The following LYST variants were observed in gnomAD, a reference collection of about 807,000 sequenced individuals.
LYST encodes lysosomal trafficking regulator.
Under a neutral mutation model 413.6 loss-of-function variants are expected in LYST, and 192 were observed. That is an observed-to-expected ratio of 0.46 (90% CI 0.41 to 0.52). The LOEUF (loss-of-function observed/expected upper bound fraction) is 0.52. Among genes scored for constraint, LYST ranks in the 20% least tolerant of loss-of-function variants. The pLI is 0.00. For missense variants in LYST, 3,815 were observed against 4,499.9 expected (o/e 0.85, Z 4.35); for synonymous variants, 1,525 against 1,567.3 (o/e 0.97, Z 0.64).
chr1:235,850,074 A>T (rs1678350498), intron 1 of LYST, among the ~76,000 whole-genome samples: 1 of 152,118 alleles, frequency 6.6e-6, no homozygotes, highest in Non-Finnish European at 1.5e-5. Context: ...CCAAAGCAAG[A>T]CTAAGTGAAA....
At chr1:235,768,591 G>A (rs1480645135) in intron 20 of LYST, among the ~76,000 whole-genome samples, 1 of 151,852 alleles carries the variant, frequency 6.6e-6, no homozygotes. Flanking sequence ...CAAGGGTAAA[G>A]AACTATACAT....
intron 8 of LYST, among the ~76,000 whole-genome samples, 167 bp from the exon 9 acceptor site, chr1:235,801,264 T>C (rs1437831482): frequency 1.3e-5 from 2 of 152,158 alleles, no homozygotes; most frequent in African/African-American, 2.4e-5. Flanking sequence ...GATATGGAAA[T>C]TTTGAAGATT....
At chr1:235,726,258 T>C (rs1663859388) in intron 38 of LYST, among the ~76,000 whole-genome samples, 1 of 152,188 alleles carries the variant, frequency 6.6e-6, no homozygotes, top group Non-Finnish European at 1.5e-5. Context: ...CCTTAATTTT[T>C]TTTTTTAGAT....
At chr1:235,669,826 G>GC (rs1206815831) in intron 50 of LYST, among the ~76,000 whole-genome samples, 1 of 152,060 alleles carries the variant, frequency 6.6e-6, no homozygotes, top group Non-Finnish European at 1.5e-5. Context: ...GCTTTGCTGG[G>GC]CATTTTGTCC....
In LYST at chr1:235,805,829, T is replaced by C. The variant is rs1558273572; in HGVS notation, c.3307A>G (p.Ile1103Val). The C allele has an allele frequency of 1.9e-6, 3 of 1,613,618 alleles. No homozygotes were observed. Among genetic ancestry groups the C allele is most frequent in the African/African-American group, 1.3e-5 (1 of 74,870 alleles). The stretch of plus-strand genomic sequence containing the variant: ...GCCAGAAGGGCTTCCAAAAGTCGTA[T>C]ACTTTGAAGTGAGGTCTCACTTTCT... ...SQESETSLQS[I>V]RLLEALLAIC... The change falls in exon 6 of 53, where the codon ATA becomes GTA. Residue 1103 changes from isoleucine to valine, a missense_variant. By Grantham distance (29) the Ile-to-Val change is conservative (BLOSUM62 3). Coordinates refer to ENST00000389793, the MANE Select transcript of LYST (RefSeq NM_000081.4).
Position 235,664,384 on chromosome 1 carries a change from C to G in LYST, c.11195+81G>C, listed in dbSNP as rs990859351. ...TCTCTAAATACTGAATATTAATATG[C>G]CTAGATATTAAAAATTAATTTCTGA... On this transcript the variant is annotated intron_variant, in intron 51 of 52. Transcript: ENST00000389793. The surrounding 1 kb of genome is among the most constrained non-coding windows in gnomAD (Gnocchi z 4.5). 26 of 1,269,330 alleles carry G rather than the reference C, an allele frequency of 2.0e-5. No individual in the cohort carries two copies. The highest frequency in any genetic ancestry group is 2.5e-5 in the Non-Finnish European group (22 of 876,064). The allele number at this position is 1,269,330 out of a possible 1,614,324, so 78.6% of individuals were successfully genotyped here. A position where few individuals can be genotyped will look rare whatever the true frequency, so the allele number is the denominator to read the frequency against.
chr1:235,814,717 TAA>T (rs913104661), intron 3 of LYST, among the ~76,000 whole-genome samples: 42 of 151,982 alleles, frequency 2.8e-4, no homozygotes, highest in African/African-American at 9.7e-4. Flanking sequence ...AGTGAGAAAG[TAA>T]AGACAGGACA....
intron 44 of LYST, 126 bp downstream of exon 44, chr1:235,708,965 A>G: frequency 1.2e-6 from 1 of 807,340 alleles, no homozygotes; most frequent in Non-Finnish European, 2.1e-6. Context: ...CTTAGGTGAC[A>G]GTTTAATGCT....
rs1659483522 is a variant in LYST at position 235,677,582 on chromosome 1, TAG to T, written c.10836_10837del (p.Tyr3613TrpfsTer55). 6.2e-7 allele frequency: 1 copy of T among 1,612,220 alleles called. No individual in the cohort carries two copies. ...GCTGGTTATCTCTTCTGTGTGACCA[TAG>T]AGATGTATTTGAGTCTCCATTTCTA... On this transcript the variant is annotated frameshift_variant, in exon 49 of 53. Transcript: ENST00000389793. LOFTEE classifies it high-confidence loss of function.
chr1:235,679,986 T>G (rs1659682747), intron 48 of LYST, among the ~76,000 whole-genome samples: 1 of 142,262 alleles, frequency 7.0e-6, no homozygotes, highest in African/African-American at 2.5e-5. Flanking sequence ...CTTTTAAGGC[T>G]CTCTCTCTCT....
At chr1:235,832,219 C>A (rs916447018) in intron 2 of LYST, among the ~76,000 whole-genome samples, 1 of 152,212 alleles carries the variant, frequency 6.6e-6, no homozygotes, top group African/African-American at 2.4e-5. Flanking sequence ...GAAGCACTGA[C>A]AATGTGAAAG....
chr1:235,804,526 T>C lies in LYST; in HGVS notation c.3533A>G (p.His1178Arg), dbSNP rs1672599866. 1 of 1,613,734 alleles carries C rather than the reference T, an allele frequency of 6.2e-7. No homozygotes were observed. Among genetic ancestry groups the C allele is most frequent in the Non-Finnish European group, 8.5e-7 (1 of 1,179,750 alleles). Residue 1178 changes from histidine (H) to arginine (R), a missense_variant, in exon 7 of 53, where the codon CAT (histidine) becomes CGT (arginine). His to Arg is a conservative substitution (Grantham distance 29). This residue lies in a region of LYST where 1,648 missense variants were observed against 1,810.3 expected (regional missense o/e 0.91). Transcript: ENST00000389793. Reference sequence around the variant, plus strand: ...TACCTTCTCAGTCATAGCATCATTATGTTCAAAATCTGCTGAATAATTCCC... The same window carrying C: ...TACCTTCTCAGTCATAGCATCATTACGTTCAAAATCTGCTGAATAATTCCC... ...ALGNYSADFE[H>R]NDAMTEKSHQ... is the part of the protein sequence containing the mutation.
intron 1 of LYST, among the ~76,000 whole-genome samples, chr1:235,878,763 C>T (rs1681246172): frequency 6.6e-6 from 1 of 152,202 alleles, no homozygotes; most frequent in East Asian, 1.9e-4. Flanking sequence ...ACAGACAACA[C>T]CATATTTACT....
intron 41 of LYST, 69 bp from the exon 42 acceptor site, chr1:235,715,426 T>A: frequency 6.7e-7 from 1 of 1,494,578 alleles, no homozygotes. Context: ...AAGTGCTGGA[T>A]GTTTTTTTTT....
chr1:235,731,701 G>A (rs1423086712), intron 34 of LYST, among the ~76,000 whole-genome samples: 1 of 151,760 alleles, frequency 6.6e-6, no homozygotes, highest in Non-Finnish European at 1.5e-5. Flanking sequence ...TGGGATTACA[G>A]GCTCCCACCA....
At chr1:235,747,376 C>A (rs1465108354) in intron 28 of LYST, 2 of 319,730 alleles carry the variant, frequency 6.3e-6, no homozygotes, top group Non-Finnish European at 1.3e-5. Context: ...CTATAAATAA[C>A]CTCTACAAAA....
In LYST at chr1:235,832,712, T is replaced by C. The variant is rs1321446653; in HGVS notation, c.-8+866A>G. ...TTTTGAATAGATTGTTTCTAGCTTT[T>C]TATTATCATAAACAAAGCTACAATT... On this transcript the variant is annotated intron_variant, in intron 2 of 52. Coordinates refer to ENST00000389793, the MANE Select transcript of LYST (RefSeq NM_000081.4). 6.6e-5 allele frequency among the ~76,000 whole-genome samples: 10 copies of C among 152,254 alleles called. No individual in the cohort carries two copies. The South Asian group carries it at 2.1e-3, about 32-fold the overall frequency.
chr1:235,685,858 A>C (rs559796283), intron 48 of LYST, among the ~76,000 whole-genome samples: 58 of 129,558 alleles, frequency 4.5e-4, no homozygotes, highest in Admixed American at 1.4e-3. Context: ...AACAAAACAA[A>C]AAAAAAAAAA....
chr1:235,705,358 C>A lies in LYST; in HGVS notation c.10144-2381G>T, dbSNP rs112716304. Among the ~76,000 whole-genome samples the A allele has an allele frequency of 3.0e-3, 449 of 152,128 alleles. 4 individuals carry two copies. Among genetic ancestry groups the A allele is most frequent in the African/African-American group, 0.01 (430 of 41,498 alleles). ...AAAAATTCCAGTCAGATGAGAATTA[C>A]CATGTGTATTTCAGTCTTCAGATAC... On this transcript the variant is annotated intron_variant, in intron 44 of 52. Transcript: ENST00000389793.
Sources: allele counts gnomAD v4.1 joint callset (sites outside exome capture counted in the v4.1 genomes callset), GRCh38; gene constraint gnomAD v4.1.1; regional missense constraint gnomAD v4.1.1; non-coding constraint Gnocchi (gnomAD v3.1); transcripts MANE v1.5; gene names NCBI Gene and HGNC (gene_info 2026-07-23, HGNC 2026-07-21).